Variants in TASP1 observed in about 807,000 individuals in gnomAD.
The protein encoded by TASP1 is threonine aspartase 1.
A neutral mutation model predicts 56.6 loss-of-function variants in TASP1; 16 were observed. The observed-to-expected ratio is 0.28, with a 90% CI of 0.19 to 0.43. TASP1 has a LOEUF of 0.43. Ranked by LOEUF, TASP1 falls within the 20% of genes least tolerant of loss-of-function variation. TASP1 has a pLI of 1.00. For missense variants in TASP1, 393 were observed against 511.6 expected (o/e 0.77, Z 2.24); for synonymous variants, 179 against 184.2 (o/e 0.97, Z 0.23).
At chr20:13,310,877 C>A in the TASP1 span, among the ~76,000 whole-genome samples, 4 of 152,256 alleles carry the variant, frequency 2.6e-5, no homozygotes, top group Middle Eastern at 3.4e-3. Context: ...TTACTTCATA[C>A]CTGTAAGGAA....
At chr20:13,337,710 C>T in the TASP1 span, among the ~76,000 whole-genome samples, 1 of 152,210 alleles carries the variant, frequency 6.6e-6, no homozygotes, top group Non-Finnish European at 1.5e-5. Flanking sequence ...AACACAATTA[C>T]CTTTGACAGT....
At chr20:13,502,818 G>A in intron 10 of TASP1, among the ~76,000 whole-genome samples, 1 of 152,152 alleles carries the variant, frequency 6.6e-6, no homozygotes, top group East Asian at 1.9e-4. Flanking sequence ...GGAGTCCAGA[G>A]TCCAACAGAG....
chr20:13,442,254 CCACACA>C (rs2043239758), intron 11 of TASP1, among the ~76,000 whole-genome samples: 1 of 151,364 alleles, frequency 6.6e-6, no homozygotes, highest in Non-Finnish European at 1.5e-5. Context: ...AACAATTCCA[CCACACA>C]CACACATACA....
chr20:13,178,713 T>C, the TASP1 span, among the ~76,000 whole-genome samples: 1 of 151,606 alleles, frequency 6.6e-6, no homozygotes, highest in South Asian at 2.1e-4. Context: ...AAGTTGATCT[T>C]ATAGAAGTAA....
At chr20:13,352,352 C>T in the TASP1 span, among the ~76,000 whole-genome samples, 2,714 of 150,550 alleles carry the variant, frequency 0.018, 78 homozygotes, top group African/African-American at 0.06. Flanking sequence ...TGGGAGGCTG[C>T]GGCATAAGAA....
chr20:13,442,871 C>T (rs1337867413), intron 11 of TASP1, among the ~76,000 whole-genome samples: 11 of 152,084 alleles, frequency 7.2e-5, no homozygotes, highest in African/African-American at 2.7e-4. Flanking sequence ...CACCATGGTG[C>T]CGGAAAAACA....
chr20:13,190,871 T>C, the TASP1 span, among the ~76,000 whole-genome samples: 1 of 151,874 alleles, frequency 6.6e-6, no homozygotes, highest in Non-Finnish European at 1.5e-5. Flanking sequence ...TATAAGGAAC[T>C]CAAATAACAG....
the TASP1 span, among the ~76,000 whole-genome samples, chr20:13,127,134 G>A: frequency 6.6e-6 from 1 of 152,174 alleles, no homozygotes; most frequent in East Asian, 1.9e-4. Flanking sequence ...GTTGGACAGT[G>A]GAAGGCCACC....
the TASP1 span, among the ~76,000 whole-genome samples, chr20:13,121,847 C>T: frequency 1.3e-5 from 2 of 152,124 alleles, no homozygotes; most frequent in African/African-American, 4.8e-5. Context: ...GCAAGATAGT[C>T]TTAACATTAA....
the TASP1 span, among the ~76,000 whole-genome samples, chr20:13,116,065 T>G: frequency 1.3e-5 from 2 of 152,208 alleles, no homozygotes; most frequent in African/African-American, 4.8e-5. Flanking sequence ...CATTAAAATC[T>G]GAACTCGGCC....
chr20:13,453,207 A>C lies in TASP1; in HGVS notation c.986-18053T>G, dbSNP rs1005439180. ...AATGGAAACATCAGAGAGGAATGGC[A>C]AGGAACTGATGGTGCAGACAGGGGA... On this transcript the variant is annotated intron_variant, in intron 11 of 13. Transcript: ENST00000337743. Among the ~76,000 whole-genome samples the C allele has an allele frequency of 7.2e-5, 11 of 152,266 alleles. 1 individual carries two copies. Among genetic ancestry groups the C allele is most frequent in the African/African-American group, 2.4e-4 (10 of 41,572 alleles).
In TASP1 at chr20:13,630,755, T is replaced by C. The variant is rs80172268; in HGVS notation, c.-74-603A>G. 7.5e-3 allele frequency among the ~76,000 whole-genome samples: 1,111 copies of C among 148,294 alleles called. 8 individuals carry two copies. The highest frequency in any genetic ancestry group is 0.011 in the Middle Eastern group (3 of 282). On this transcript the variant is annotated intron_variant, in intron 1 of 13. Coordinates refer to ENST00000337743, the MANE Select transcript of TASP1 (RefSeq NM_017714.3). ...AGAAAAGAAAAGAAACATAAAGAAG[T>C]TACTTAGCTGCCTATTCCAAAATAA...
chr20:13,319,739 C>A, the TASP1 span, among the ~76,000 whole-genome samples: 5 of 152,208 alleles, frequency 3.3e-5, no homozygotes, highest in African/African-American at 4.8e-5. Context: ...CCCCCTCCCC[C>A]CTGCACACAC....
At chr20:13,405,413 G>C (rs2041879084) in intron 13 of TASP1, among the ~76,000 whole-genome samples, 1 of 152,142 alleles carries the variant, frequency 6.6e-6, no homozygotes, top group Admixed American at 6.5e-5. Context: ...TATTAAGGTT[G>C]TTGAATGTAT....
At chr20:13,576,388 A>G (rs1017556263) in intron 6 of TASP1, among the ~76,000 whole-genome samples, 2 of 149,954 alleles carry the variant, frequency 1.3e-5, no homozygotes, top group Non-Finnish European at 2.9e-5. Context: ...AAAGAAAGAA[A>G]GAAAGAAAGT....
chr20:13,527,348 G>A (rs1002311850), intron 10 of TASP1, among the ~76,000 whole-genome samples: 39 of 152,248 alleles, frequency 2.6e-4, no homozygotes, highest in South Asian at 8.3e-4. Context: ...ATTGGAGAGA[G>A]AAAGGTAGGA....
At chr20:13,500,772 T>A (rs1052508385) in intron 10 of TASP1, among the ~76,000 whole-genome samples, 3 of 152,100 alleles carry the variant, frequency 2.0e-5, no homozygotes, top group South Asian at 2.1e-4. Context: ...CCAATGTCTG[T>A]AGAACAATAT....
At chr20:13,304,446 G>A in the TASP1 span, among the ~76,000 whole-genome samples, 1 of 152,092 alleles carries the variant, frequency 6.6e-6, no homozygotes, top group South Asian at 2.1e-4. Flanking sequence ...TATAAATTGG[G>A]GTAAGTCCAC....
At chr20:13,212,470 A>G in the TASP1 span, among the ~76,000 whole-genome samples, 1 of 152,192 alleles carries the variant, frequency 6.6e-6, no homozygotes, top group African/African-American at 2.4e-5. Context: ...CAATATTACC[A>G]TGCCTGATAT....
Sources: gnomAD v4.1 joint callset for allele counts (sites outside exome capture counted in the v4.1 genomes callset) on GRCh38, gnomAD v4.1.1 for gene constraint, MANE v1.5 for transcripts, NCBI Gene and HGNC (gene_info 2026-07-23, HGNC 2026-07-21) for gene names.